The following PRKG1 variants were observed in gnomAD, a reference collection of about 807,000 sequenced individuals.
PRKG1 encodes the protein cGMP-dependent protein kinase 1.
In PRKG1, 35 loss-of-function variants were observed where a neutral mutation model predicts 88.1. The ratio of observed to expected loss-of-function variants is 0.40; its 90% CI spans 0.30 to 0.53. PRKG1 has a LOEUF of 0.53. Among genes scored for constraint, PRKG1 ranks in the 20% least tolerant of loss-of-function variants. The pLI is 0.59. For missense variants in PRKG1, 540 were observed against 839.8 expected (o/e 0.64, Z 4.41); for synonymous variants, 303 against 292.5 (o/e 1.04, Z -0.37).
At chr10:51,493,872 T>G (rs1215404584) in intron 3 of PRKG1, among the ~76,000 whole-genome samples, 1 of 152,116 alleles carries the variant, frequency 6.6e-6, no homozygotes, top group African/African-American at 2.4e-5. Flanking sequence ...GAGGATTCCT[T>G]CCAAGAGTTT....
chr10:51,978,436 CT>C (rs34946662), intron 5 of PRKG1, among the ~76,000 whole-genome samples: 30,653 of 134,196 alleles, frequency 0.23, 3,500 homozygotes, highest in Admixed American at 0.3. Flanking sequence ...CATTCGGGCT[CT>C]TTTTTTTTTT....
At chr10:51,177,762 A>G (rs553888820) in intron 2 of PRKG1, among the ~76,000 whole-genome samples, 2 of 152,178 alleles carry the variant, frequency 1.3e-5, no homozygotes, top group South Asian at 4.1e-4. Flanking sequence ...TTATACTATA[A>G]TTAATTTGGG....
intron 3 of PRKG1, among the ~76,000 whole-genome samples, chr10:51,803,946 A>G (rs1033427935): frequency 2.6e-5 from 4 of 152,136 alleles, no homozygotes; most frequent in Non-Finnish European, 4.4e-5. Flanking sequence ...TGGGGTATTC[A>G]GCTTCAACAT....
chr10:51,165,053 C>T (rs961824297), intron 2 of PRKG1, among the ~76,000 whole-genome samples: 1 of 152,062 alleles, frequency 6.6e-6, no homozygotes, highest in Admixed American at 6.5e-5. Flanking sequence ...GAGAACGCCA[C>T]AAAGATACTC....
chr10:52,101,284 C>A (rs1388993501), intron 7 of PRKG1, among the ~76,000 whole-genome samples: 1 of 152,126 alleles, frequency 6.6e-6, no homozygotes, highest in Non-Finnish European at 1.5e-5. Flanking sequence ...GACAGGTATC[C>A]GTTGGCCCCA....
intron 7 of PRKG1, among the ~76,000 whole-genome samples, chr10:52,119,649 G>C (rs1363171148): frequency 6.6e-6 from 1 of 152,116 alleles, no homozygotes; most frequent in African/African-American, 2.4e-5. Flanking sequence ...ATAAAGGAAA[G>C]ACTAATGCAT....
At chr10:51,550,951 C>T (rs922689639) in intron 3 of PRKG1, among the ~76,000 whole-genome samples, 43 of 152,040 alleles carry the variant, frequency 2.8e-4, no homozygotes, top group African/African-American at 9.1e-4. Flanking sequence ...TTGGGGTCAA[C>T]TAATGAGTCT....
intron 1 of PRKG1, among the ~76,000 whole-genome samples, chr10:51,023,595 A>T (rs1843166820): frequency 6.6e-6 from 1 of 152,176 alleles, no homozygotes; most frequent in African/African-American, 2.4e-5. Context: ...ACAGAGATGG[A>T]GTCTAGTATA....
chr10:51,038,588 C>G (rs1247509408), intron 1 of PRKG1, among the ~76,000 whole-genome samples: 1 of 152,132 alleles, frequency 6.6e-6, no homozygotes, highest in East Asian at 1.9e-4. Context: ...TGAAGTTTAT[C>G]TTTTTGTGCC....
chr10:52,142,827 A>G (rs1479467506), intron 8 of PRKG1, among the ~76,000 whole-genome samples: 2 of 152,118 alleles, frequency 1.3e-5, no homozygotes, highest in East Asian at 3.9e-4. Context: ...GCCATACCAT[A>G]CATTTACAAC....
intron 2 of PRKG1, among the ~76,000 whole-genome samples, chr10:51,202,458 AG>A (rs1484583918): frequency 3.3e-5 from 5 of 152,182 alleles, no homozygotes; most frequent in African/African-American, 1.2e-4. Context: ...ATTTCTCCTG[AG>A]AACACTGCTT....
chr10:52,119,949 TAGAC>T (rs113840419), intron 7 of PRKG1, among the ~76,000 whole-genome samples: 62,680 of 148,820 alleles, frequency 0.42, 14,379 homozygotes, highest in Non-Finnish European at 0.51. Context: ...GAGACAGAGA[TAGAC>T]AGACAGAGAC....
intron 2 of PRKG1, among the ~76,000 whole-genome samples, chr10:51,174,510 G>C (rs559093423): frequency 2.6e-5 from 4 of 152,048 alleles, no homozygotes; most frequent in Admixed American, 2.6e-4. Context: ...TTGACAATTG[G>C]CTTCGCAAAG....
chr10:51,071,833 C>T (rs1054743163), upstream of PRKG1, among the ~76,000 whole-genome samples: 28 of 151,946 alleles, frequency 1.8e-4, no homozygotes, highest in Non-Finnish European at 5.9e-5. Context: ...ATTAAGTAAC[C>T]CCATTTAAAC....
intron 1 of PRKG1, among the ~76,000 whole-genome samples, chr10:50,993,602 C>T (rs1268941063): frequency 6.6e-6 from 1 of 152,208 alleles, no homozygotes; most frequent in East Asian, 1.9e-4. Context: ...CTGCTCGCCT[C>T]CCAGGGCTGC....
At chr10:51,535,317 A>C (rs1190599834) in intron 3 of PRKG1, among the ~76,000 whole-genome samples, 1 of 152,172 alleles carries the variant, frequency 6.6e-6, no homozygotes, top group Non-Finnish European at 1.5e-5. Flanking sequence ...TCTGTTTCCT[A>C]GTCATAAAAA....
intron 10 of PRKG1, among the ~76,000 whole-genome samples, chr10:52,265,820 T>G (rs1367917216): frequency 6.6e-6 from 1 of 152,144 alleles, no homozygotes; most frequent in Non-Finnish European, 1.5e-5. Flanking sequence ...CCTTAAGATC[T>G]ACTTGGCCCA....
chr10:51,340,724 G>GA (rs1025976692), intron 2 of PRKG1, among the ~76,000 whole-genome samples: 5 of 152,082 alleles, frequency 3.3e-5, no homozygotes, highest in African/African-American at 9.7e-5. Context: ...CAGTTGTCTG[G>GA]AAAAACAGCC....
intron 2 of PRKG1, among the ~76,000 whole-genome samples, chr10:51,324,740 CA>C (rs1027885454): frequency 1.3e-5 from 2 of 151,060 alleles, no homozygotes; most frequent in South Asian, 2.1e-4. Flanking sequence ...GACTCCGTCT[CA>C]AAAAAAAAGA....
Sources: allele counts gnomAD v4.1 joint callset (sites outside exome capture counted in the v4.1 genomes callset), GRCh38; gene constraint gnomAD v4.1.1; transcripts MANE v1.5; gene names NCBI Gene and HGNC (gene_info 2026-07-23, HGNC 2026-07-21).